SUGCT: variants seen among roughly 807,000 people sequenced by gnomAD.
SUGCT encodes succinyl-CoA:glutarate CoA-transferase.
Under a neutral mutation model 55.0 loss-of-function variants are expected in SUGCT, and 41 were observed. The ratio of observed to expected loss-of-function variants is 0.74; its 90% CI spans 0.58 to 0.97. The LOEUF is 0.97. SUGCT is among the 50% of genes least tolerant of loss of function. SUGCT has a pLI of 0.00. For missense variants in SUGCT, 568 were observed against 547.8 expected, an observed-to-expected ratio of 1.04 and a Z score of -0.37; for synonymous variants, 187 against 200.4, an observed-to-expected ratio of 0.93 and a Z score of 0.56.
At chr7:40,412,184 A>G (rs1786735702) in intron 9 of SUGCT, among the ~76,000 whole-genome samples, 1 of 152,184 alleles carries the variant, frequency 6.6e-6, no homozygotes, top group Non-Finnish European at 1.5e-5. Flanking sequence ...AATCCACAAA[A>G]TCTTGTCCAT....
intron 7 of SUGCT, among the ~76,000 whole-genome samples, chr7:40,245,965 G>A (rs1726931461): frequency 6.6e-6 from 1 of 151,994 alleles, no homozygotes; most frequent in Admixed American, 6.6e-5. Context: ...CTCCTGAATA[G>A]CTGGAACTAC....
At chr7:40,667,149 G>A (rs550790713) in intron 12 of SUGCT, among the ~76,000 whole-genome samples, 3 of 150,882 alleles carry the variant, frequency 2.0e-5, no homozygotes, top group African/African-American at 7.3e-5. Flanking sequence ...CAAAATGAAT[G>A]AAAGGACTGA....
intron 13 of SUGCT, among the ~76,000 whole-genome samples, chr7:40,820,472 G>A (rs2128766378): frequency 6.6e-6 from 1 of 152,228 alleles, no homozygotes; most frequent in Admixed American, 6.5e-5. Flanking sequence ...CCTTGAAGAG[G>A]TCCTTCACAT....
chr7:41,032,791 G>T, the SUGCT span, among the ~76,000 whole-genome samples: 1 of 152,192 alleles, frequency 6.6e-6, no homozygotes, highest in African/African-American at 2.4e-5. Context: ...TTGAGACGGA[G>T]TCTCACTCTG....
intron 12 of SUGCT, among the ~76,000 whole-genome samples, chr7:40,554,101 C>T (rs935619430): frequency 1.3e-5 from 2 of 152,312 alleles, no homozygotes; most frequent in Non-Finnish European, 2.9e-5. Flanking sequence ...AGCTGTGTAA[C>T]TTAGGCAATG....
chr7:40,546,845 T>G (rs1795019589), intron 12 of SUGCT: 1 of 152,268 alleles, frequency 6.6e-6, no homozygotes, highest in Non-Finnish European at 1.5e-5. Flanking sequence ...CTGCAGTATC[T>G]TTCTGGCTCC....
intron 6 of SUGCT, among the ~76,000 whole-genome samples, chr7:40,232,875 C>T (rs1353076655): frequency 6.6e-6 from 1 of 152,072 alleles, no homozygotes; most frequent in Non-Finnish European, 1.5e-5. Context: ...AAAGTAGAAT[C>T]GATATGCATA....
At chr7:40,694,771 A>G (rs780610905) in intron 12 of SUGCT, among the ~76,000 whole-genome samples, 1 of 152,228 alleles carries the variant, frequency 6.6e-6, no homozygotes, top group Non-Finnish European at 1.5e-5. Context: ...AATTCTTGCC[A>G]TCAGTAGTCA....
the SUGCT span, among the ~76,000 whole-genome samples, chr7:40,872,164 A>G: frequency 6.6e-6 from 1 of 152,166 alleles, no homozygotes; most frequent in South Asian, 2.1e-4. Flanking sequence ...TGCTGCAGAG[A>G]AACACTAATC....
At chr7:40,301,875 A>G (rs938964677) in intron 8 of SUGCT, among the ~76,000 whole-genome samples, 2 of 152,338 alleles carry the variant, frequency 1.3e-5, no homozygotes, top group East Asian at 1.9e-4. Context: ...CTGTAACTTA[A>G]TAGTTCTAAG....
chr7:40,562,136 A>G (rs1183394603), intron 12 of SUGCT, among the ~76,000 whole-genome samples: 3 of 151,606 alleles, frequency 2.0e-5, no homozygotes, highest in African/African-American at 7.3e-5. Flanking sequence ...CGTCTCTACT[A>G]AAAATACAAA....
At chr7:40,460,041 T>C (rs1789706643) in intron 11 of SUGCT, among the ~76,000 whole-genome samples, 1 of 152,196 alleles carries the variant, frequency 6.6e-6, no homozygotes, top group Non-Finnish European at 1.5e-5. Flanking sequence ...TTTGTTTAAA[T>C]ACCATATTTA....
At position 40,337,300 on chromosome 7, in the gene SUGCT, G is replaced by C. The variant is rs569277643; in HGVS notation, c.816+20445G>C. Among the ~76,000 whole-genome samples, 505 of 152,092 alleles carry C rather than the reference G, an allele frequency of 3.3e-3. 1 individual carries two copies. The highest frequency in any genetic ancestry group is 0.011 in the African/African-American group (475 of 41,490). ...AGAGCTGAGTTCAATTCCTGGATAT[G>C]CTTGTGAACTTTCTGTCTCGTTGAT... On this transcript the variant is annotated intron_variant, in intron 9 of 13. Coordinates refer to ENST00000335693, the MANE Select transcript of SUGCT (RefSeq NM_001193313.2).
intron 12 of SUGCT, among the ~76,000 whole-genome samples, chr7:40,583,774 C>T (rs1483893617): frequency 6.6e-6 from 1 of 152,140 alleles, no homozygotes; most frequent in East Asian, 1.9e-4. Context: ...GACAAAACTC[C>T]ATCCTGCCAT....
chr7:40,488,929 A>G (rs1284146074), intron 11 of SUGCT, among the ~76,000 whole-genome samples: 2 of 152,114 alleles, frequency 1.3e-5, no homozygotes, highest in Non-Finnish European at 2.9e-5. Context: ...TTTGATTATA[A>G]TATATATTTG....
intron 7 of SUGCT, among the ~76,000 whole-genome samples, chr7:40,263,833 T>C (rs1791384084): frequency 6.6e-6 from 1 of 152,194 alleles, no homozygotes; most frequent in African/African-American, 2.4e-5. Flanking sequence ...GAGAGAGTTT[T>C]TGCTTTCTTC....
At chr7:40,593,047 C>T (rs761257945) in intron 12 of SUGCT, among the ~76,000 whole-genome samples, 3 of 152,130 alleles carry the variant, frequency 2.0e-5, no homozygotes, top group Non-Finnish European at 4.4e-5. Flanking sequence ...AGCTTTGGGT[C>T]AGATTCTGAG....
the SUGCT span, among the ~76,000 whole-genome samples, chr7:40,913,408 T>G: frequency 6.6e-6 from 1 of 152,180 alleles, no homozygotes; most frequent in African/African-American, 2.4e-5. Context: ...CAAATTTCCA[T>G]TAGTCCACCC....
chr7:41,024,353 C>T, the SUGCT span, among the ~76,000 whole-genome samples: 3 of 151,652 alleles, frequency 2.0e-5, no homozygotes, highest in African/African-American at 2.4e-5. Flanking sequence ...AATCTAACTA[C>T]GTTAAAATTA....
Sources: allele counts gnomAD v4.1 joint callset (sites outside exome capture counted in the v4.1 genomes callset), GRCh38; gene constraint gnomAD v4.1.1; transcripts MANE v1.5; gene names NCBI Gene and HGNC (gene_info 2026-07-23, HGNC 2026-07-21).